The following KANSL1 variants were observed in gnomAD, a reference collection of about 807,000 sequenced individuals.
KANSL1 encodes the protein KAT8 regulatory NSL complex subunit 1.
Under a neutral mutation model 103.6 loss-of-function variants are expected in KANSL1, and 22 were observed. That is an observed-to-expected ratio of 0.21 (90% CI 0.15 to 0.30). KANSL1 has a LOEUF of 0.30. Among genes scored for constraint, KANSL1 ranks in the 10% least tolerant of loss-of-function variants. The probability of loss-of-function intolerance (pLI) is 1.00; values close to 1 mark genes in which losing one functional copy is unlikely to be tolerated. For synonymous variants in KANSL1, 600 were observed against 527.6 expected (o/e 1.14, Z -1.88); for missense variants, 1,337 against 1,399.8 (o/e 0.96, Z 0.72).
intron 13 of KANSL1, 155 bp downstream of exon 13, chr17:46,032,925 A>G: frequency 1.6e-6 from 1 of 623,084 alleles, no homozygotes; most frequent in Non-Finnish European, 2.8e-6. Flanking sequence ...TAGTTCCAAC[A>G]AACACCAAGG....
At chr17:46,053,656 T>C (rs112074397) in intron 6 of KANSL1, among the ~76,000 whole-genome samples, 21,780 of 152,110 alleles carry the variant, frequency 0.14, 2,127 homozygotes, top group Non-Finnish European at 0.22. Flanking sequence ...AGGATGGTCT[T>C]GATCTCCTGA....
At chr17:46,076,587 A>C in intron 4 of KANSL1, among the ~76,000 whole-genome samples, 1 of 151,662 alleles carries the variant, frequency 6.6e-6, no homozygotes, top group Admixed American at 6.6e-5. Flanking sequence ...GTTACCAAAA[A>C]CAACACAACA....
At chr17:46,041,913 T>TGTGTGTGTGTG (rs2077336908) in intron 7 of KANSL1, 1 of 110,848 alleles carries the variant, frequency 9.0e-6, no homozygotes, top group African/African-American at 2.8e-5. Flanking sequence ...TGTGTGTGTA[T>TGTGTGTGTGTG]ATTTTTTTTT....
At chr17:46,152,482 C>G (rs1053506532) in intron 2 of KANSL1, among the ~76,000 whole-genome samples, 1 of 151,292 alleles carries the variant, frequency 6.6e-6, no homozygotes, top group Admixed American at 6.6e-5. Context: ...GCCTTTGAAG[C>G]AACACATTTC....
At position 46,122,216 on chromosome 17, in the gene KANSL1, C is replaced by A. The variant is rs73984693; in HGVS notation, c.1290-27515G>T. ...TCTGGAAACACAGAAGTTCCTTTGA[C>A]TCTCTTAAAGGCTTCAAGCCCCTCT... is the stretch of plus-strand genomic sequence containing the variant. On this transcript the variant is annotated intron_variant, in intron 2 of 14. Transcript: ENST00000432791. Among the ~76,000 whole-genome samples the A allele has an allele frequency of 1.7e-3, 252 of 152,322 alleles. 2 individuals are homozygous for A. The highest frequency in any genetic ancestry group is 5.8e-3 in the African/African-American group (240 of 41,566).
chr17:46,157,795 C>T (rs1446948753), intron 2 of KANSL1, among the ~76,000 whole-genome samples: 2 of 152,244 alleles, frequency 1.3e-5, no homozygotes, highest in African/African-American at 4.8e-5. Context: ...AAGCTTCATT[C>T]TGTTTTCATC....
At chr17:46,113,017 G>A (rs750976113) in intron 2 of KANSL1, among the ~76,000 whole-genome samples, 1 of 152,156 alleles carries the variant, frequency 6.6e-6, no homozygotes, top group Non-Finnish European at 1.5e-5. Context: ...CACCAGGCCC[G>A]GCCGGGACAG....
rs796052596 is a variant in KANSL1 at position 46,039,186 on chromosome 17, T to C, written c.2233A>G (p.Arg745Gly). The stretch of plus-strand genomic sequence containing the variant: ...TCGTCTAAGTGCTGCCTGTGGGTCC[T>C]GTCAGGCCGGGTTTGGTGATGGGAC... The part of the protein sequence containing the change: ...KLSHHQTRPD[R>G]THRQHLDDVG... Residue 745 changes from arginine (R) to glycine (G), a missense_variant, in exon 9 of 15, where the codon AGG (arginine) becomes GGG (glycine). By Grantham distance (125) the Arg-to-Gly change is moderately radical. Around this residue, in one of 2 missense-constraint regions of KANSL1, gnomAD observed 780 missense variants for 923.4 expected, o/e 0.84. Coordinates refer to ENST00000432791, the MANE Select transcript of KANSL1 (RefSeq NM_015443.4). 6.3e-7 allele frequency: 1 copy of C among 1,595,416 alleles called. No individual in the cohort carries two copies. The highest frequency in any genetic ancestry group is 8.5e-7 in the Non-Finnish European group (1 of 1,173,644).
intron 4 of KANSL1, among the ~76,000 whole-genome samples, chr17:46,079,968 C>A (rs1455839155): frequency 1.4e-5 from 2 of 146,892 alleles, no homozygotes; most frequent in East Asian, 2.0e-4. Context: ...CAGAATAAGA[C>A]CCTGTCTAAA....
chr17:46,085,092 T>C (rs2079116745), intron 3 of KANSL1, among the ~76,000 whole-genome samples: 1 of 152,142 alleles, frequency 6.6e-6, no homozygotes, highest in Non-Finnish European at 1.5e-5. Flanking sequence ...TCCAACTACT[T>C]TCCCCAAATA....
chr17:46,220,240 G>A (rs1342364518), intron 1 of KANSL1, among the ~76,000 whole-genome samples: 1 of 147,832 alleles, frequency 6.8e-6, no homozygotes, highest in Non-Finnish European at 1.5e-5. Flanking sequence ...TTTTTGAGAC[G>A]GAGTCTCCCT....
chr17:46,046,078 T>C (rs1236362540), intron 7 of KANSL1: 1 of 152,134 alleles, frequency 6.6e-6, no homozygotes, highest in Non-Finnish European at 1.5e-5. Context: ...CTCTTAATAA[T>C]CTGTCTGGAA....
Position 46,212,915 on chromosome 17 carries a change from T to G in KANSL1, c.-90+10756A>C, listed in dbSNP as rs556571666. On this transcript the variant is annotated intron_variant, in intron 1 of 14. Coordinates refer to the KANSL1 transcript ENST00000572904. Reference sequence around the variant, plus strand: ...GTCATTTAATCTGCATTCCTTTGATTACTTATCAGGATAAAAATGTTTCTC... The same window carrying G: ...GTCATTTAATCTGCATTCCTTTGATGACTTATCAGGATAAAAATGTTTCTC... Among the ~76,000 whole-genome samples the G allele has an allele frequency of 5.0e-4, 76 of 152,370 alleles. 1 individual carries two copies. Among genetic ancestry groups the G allele is most frequent in the African/African-American group, 1.8e-3 (74 of 41,582 alleles).
intron 4 of KANSL1, among the ~76,000 whole-genome samples, chr17:46,069,543 G>A (rs1001676589): frequency 2.6e-5 from 4 of 151,926 alleles, no homozygotes; most frequent in African/African-American, 4.8e-5. Context: ...TCAGGAGTTC[G>A]AGACCAACCT....
chr17:46,174,242 T>C (rs2147773497), intron 1 of KANSL1, among the ~76,000 whole-genome samples: 1 of 152,304 alleles, frequency 6.6e-6, no homozygotes, highest in South Asian at 2.1e-4. Flanking sequence ...TGGAGTGCAG[T>C]GGTATGATCT....
At chr17:46,220,716 T>C (rs757228883) in intron 1 of KANSL1, among the ~76,000 whole-genome samples, 2 of 152,236 alleles carry the variant, frequency 1.3e-5, no homozygotes, top group East Asian at 3.9e-4. Flanking sequence ...AGACAGAGTC[T>C]CGCTTGGTCA....
At chr17:46,202,459 G>A (rs2047836112) in intron 1 of KANSL1, among the ~76,000 whole-genome samples, 1 of 152,156 alleles carries the variant, frequency 6.6e-6, no homozygotes, top group Non-Finnish European at 1.5e-5. Context: ...GTAACAAACA[G>A]CTCCAAACAG....
chr17:46,140,700 A>G (rs2044376001), intron 2 of KANSL1, among the ~76,000 whole-genome samples: 1 of 152,226 alleles, frequency 6.6e-6, no homozygotes. Flanking sequence ...AATTTTTAAA[A>G]ACCAAATAAC....
chr17:46,137,315 G>T (rs963067608), intron 2 of KANSL1, among the ~76,000 whole-genome samples: 1 of 152,096 alleles, frequency 6.6e-6, no homozygotes, highest in Admixed American at 6.5e-5. Flanking sequence ...ATTCCAACTT[G>T]TTATGATCTC....
Sources: gnomAD v4.1 joint callset for allele counts (sites outside exome capture counted in the v4.1 genomes callset) on GRCh38, gnomAD v4.1.1 for gene constraint, gnomAD v4.1.1 regional missense constraint, MANE v1.5 for transcripts, NCBI Gene and HGNC (gene_info 2026-07-23, HGNC 2026-07-21) for gene names.